Variants in ELAPOR1 observed in about 807,000 individuals in gnomAD.
The protein encoded by ELAPOR1 is endosome-lysosome associated apoptosis and autophagy regulator 1.
A neutral mutation model predicts 119.7 loss-of-function variants in ELAPOR1; 77 were observed. The observed-to-expected ratio is 0.64, with a 90% CI of 0.54 to 0.78. The LOEUF (loss-of-function observed/expected upper bound fraction) is 0.78. ELAPOR1 is among the 30% of genes least tolerant of loss of function. The pLI, the probability that ELAPOR1 is intolerant of heterozygous loss-of-function variation, is 0.00. For synonymous variants in ELAPOR1, 481 were observed against 487.2 expected, an observed-to-expected ratio of 0.99 and a Z score of 0.17; for missense variants, 1,115 against 1,270.4, an observed-to-expected ratio of 0.88 and a Z score of 1.86.
chr1:109,200,144 T>C lies in ELAPOR1; in HGVS notation c.2714T>C (p.Ile905Thr), dbSNP rs766329117. 1.4e-5 allele frequency: 23 copies of C among 1,614,194 alleles called. No individual in the cohort carries two copies. The highest frequency in any genetic ancestry group is 1.8e-5 in the Non-Finnish European group (21 of 1,180,036). The stretch of plus-strand genomic sequence containing the variant: ...CAGAGAGTCACCATCTGCAAAACCA[T>C]AGATTTCTGGCTGAAAGTGGGCATC... ...PEQRVTICKT[I>T]DFWLKVGISA... is the part of the protein sequence containing the mutation. The change falls in exon 20 of 22, where the codon ATA becomes ACA. Residue 905 changes from isoleucine (I) to threonine (T), a missense_variant. By Grantham distance (89) the Ile-to-Thr change is moderately conservative (BLOSUM62 -1). Coordinates refer to ENST00000369939, the MANE Select transcript of ELAPOR1 (RefSeq NM_020775.5).
chr1:109,124,946 A>G (rs1648676519), intron 1 of ELAPOR1, among the ~76,000 whole-genome samples: 1 of 151,634 alleles, frequency 6.6e-6, no homozygotes, highest in African/African-American at 2.4e-5. Context: ...TTTTTTTGAG[A>G]GAGACAGAAT....
rs1181440131 is a variant in ELAPOR1 at position 109,162,034 on chromosome 1, A to G, written c.274+20A>G. On this transcript the variant is annotated intron_variant, in intron 2 of 21. Coordinates refer to ENST00000369939, the MANE Select transcript of ELAPOR1 (RefSeq NM_020775.5). ...AGTGCTGTAAGCAGCTATCCTGCTC[A>G]GGGCCTCCCTGTCACTCAGCTTTGG... 1 of 1,596,062 alleles carries G rather than the reference A, an allele frequency of 6.3e-7. No homozygotes were observed. Among genetic ancestry groups the G allele is most frequent in the South Asian group, 1.1e-5 (1 of 90,660 alleles).
Position 109,176,068 on chromosome 1 carries a change from G to A in ELAPOR1, c.952+2231G>A, listed in dbSNP as rs189507855. ...CATTCTGGGAAATCTAGGTTTCCTT[G>A]TAACACAATTTGCAAACCACTGCTC... On this transcript the variant is annotated intron_variant, in intron 7 of 21. Transcript: ENST00000369939. Among the ~76,000 whole-genome samples, 17 of 152,190 alleles carry A rather than the reference G, an allele frequency of 1.1e-4. No homozygotes were observed. In the East Asian group the frequency reaches 1.5e-3, roughly 14 times the overall value.
rs187950703 is a variant in ELAPOR1 at position 109,154,265 on chromosome 1, G to A, written c.154-7629G>A. On this transcript the variant is annotated intron_variant, in intron 1 of 21. Coordinates refer to ENST00000369939, the MANE Select transcript of ELAPOR1 (RefSeq NM_020775.5). ...CACTGCACTCCAGCCTGGGCAACAA[G>A]AGCGAAACTCCGTCTCAAAAAAAAA... 1.5e-3 allele frequency among the ~76,000 whole-genome samples: 184 copies of A among 119,830 alleles called. 1 individual carries two copies. The East Asian group carries it at 0.042, about 27-fold the overall frequency. 78.6% of individuals were successfully genotyped at this position (119,830 alleles called of 152,430 possible).
rs372238669 is a variant in ELAPOR1, at chr1:109,168,525, T to C, written c.468-3341T>C. ...CCTTCAGGGATCCTCCCATGGGTCC[T>C]GGGTTGATGTCCCAGGGCTAAGGTA... On this transcript the variant is annotated intron_variant, in intron 3 of 21. Coordinates refer to ENST00000369939, the MANE Select transcript of ELAPOR1 (RefSeq NM_020775.5). Among the ~76,000 whole-genome samples the C allele has an allele frequency of 6.6e-5, 10 of 152,294 alleles. No individual in the cohort carries two copies. In the East Asian group the frequency reaches 1.5e-3, roughly 24 times the overall value.
intron 1 of ELAPOR1, among the ~76,000 whole-genome samples, chr1:109,149,706 G>A (rs1650412291): frequency 6.6e-6 from 1 of 152,186 alleles, no homozygotes; most frequent in South Asian, 2.1e-4. Context: ...CATTTGATCT[G>A]GAATGGGGAC....
At chr1:109,183,347 AAC>A (rs1558057615) in intron 7 of ELAPOR1, among the ~76,000 whole-genome samples, 22 of 15,386 alleles carry the variant, frequency 1.4e-3, no homozygotes, top group South Asian at 8.2e-3. Context: ...AAAAAAAAAA[AAC>A]AAAAAAAAGA....
chr1:109,173,540 G>A lies in ELAPOR1; in HGVS notation c.763G>A (p.Val255Ile). ...CACAGCCTTCTCAGTATGGACCAAA[G>A]TACCCAAGCCTGTGCTGGTGAGAAA... The part of the protein sequence containing the change: ...RTTAFSVWTK[V>I]PKPVLVRNIA... Residue 255 changes from valine to isoleucine, a missense_variant, in exon 6 of 22, where the codon GTA becomes ATA. By Grantham distance (29) the Val-to-Ile change is conservative. Coordinates refer to ENST00000369939, the MANE Select transcript of ELAPOR1 (RefSeq NM_020775.5). 6.2e-7 allele frequency: 1 copy of A among 1,614,184 alleles called. No homozygotes were observed. The highest frequency in any genetic ancestry group is 8.5e-7 in the Non-Finnish European group (1 of 1,180,042).
At chr1:109,120,018 T>C (rs1242656550) in intron 1 of ELAPOR1, among the ~76,000 whole-genome samples, 2 of 152,184 alleles carry the variant, frequency 1.3e-5, no homozygotes, top group Non-Finnish European at 2.9e-5. Flanking sequence ...AATTCATACA[T>C]TGATACCTAA....
chr1:109,123,254 G>C (rs765410963), intron 1 of ELAPOR1, among the ~76,000 whole-genome samples: 1 of 152,136 alleles, frequency 6.6e-6, no homozygotes, highest in Non-Finnish European at 1.5e-5. Context: ...CATACCACTA[G>C]GAAAAGCAGA....
At chr1:109,115,180 A>G (rs1647907529) in intron 1 of ELAPOR1, among the ~76,000 whole-genome samples, 1 of 152,188 alleles carries the variant, frequency 6.6e-6, no homozygotes, top group Admixed American at 6.5e-5. Flanking sequence ...CAACAAAACT[A>G]AGTCATTTCT....
At chr1:109,197,133 C>T (rs1339701483) in intron 15 of ELAPOR1, among the ~76,000 whole-genome samples, 1 of 127,568 alleles carries the variant, frequency 7.8e-6, no homozygotes, top group Admixed American at 8.4e-5. Flanking sequence ...GAGGCCCTAT[C>T]TTTACGAAAA....
intron 1 of ELAPOR1, among the ~76,000 whole-genome samples, chr1:109,152,839 G>A (rs543006754): frequency 2.0e-5 from 3 of 151,476 alleles, no homozygotes; most frequent in Admixed American, 1.3e-4. Flanking sequence ...CCAGCTATTC[G>A]GGAGGCTGAG....
At position 109,114,253 on chromosome 1, in the gene ELAPOR1, C is replaced by T; in HGVS notation, c.70C>T (p.Arg24Trp). The stretch of plus-strand genomic sequence containing the variant: ...GGGAAGAACTGAGAGGCGCATACCC[C>T]GGCTGTGGCGGCTGCTGCTCTGGGC... Reference protein sequence around the residue: ...VRGRTERRIPRLWRLLLWAGT... With the variant: ...VRGRTERRIPWLWRLLLWAGT... Residue 24 changes from arginine (R) to tryptophan (W), a missense_variant, in exon 1 of 22, where the codon CGG becomes TGG. Physicochemically the swap from Arg to Trp is moderately radical, Grantham distance 101. Coordinates refer to ENST00000369939, the MANE Select transcript of ELAPOR1 (RefSeq NM_020775.5). 3 of 1,598,182 alleles carry T rather than the reference C, an allele frequency of 1.9e-6. No homozygotes were observed. Among genetic ancestry groups the T allele is most frequent in the East Asian group, 2.3e-5 (1 of 44,282 alleles).
At chr1:109,136,588 C>A (rs1440069719) in intron 1 of ELAPOR1, among the ~76,000 whole-genome samples, 3 of 152,148 alleles carry the variant, frequency 2.0e-5, no homozygotes, top group African/African-American at 7.2e-5. Flanking sequence ...ACATCCCTCG[C>A]GAACAGGGCA....
intron 1 of ELAPOR1, among the ~76,000 whole-genome samples, chr1:109,150,014 C>T (rs1253859956): frequency 6.6e-6 from 1 of 152,236 alleles, no homozygotes; most frequent in African/African-American, 2.4e-5. Context: ...GCTGTTATTA[C>T]TGCCGCAGTC....
chr1:109,144,053 ATTTATATAT>A (rs1223961543), intron 1 of ELAPOR1, among the ~76,000 whole-genome samples: 1 of 89,788 alleles, frequency 1.1e-5, no homozygotes, highest in African/African-American at 5.3e-5. Context: ...ATATATATAT[ATTTATATAT>A]TTTTTTTTTT....
chr1:109,166,471 A>G (rs989563779), intron 3 of ELAPOR1, among the ~76,000 whole-genome samples: 1 of 152,208 alleles, frequency 6.6e-6, no homozygotes, highest in Non-Finnish European at 1.5e-5. Flanking sequence ...TGCTTGGAGA[A>G]CTGGATATCT....
rs758775007 is a variant in ELAPOR1 at position 109,198,054 on chromosome 1, C to T, written c.2378C>T (p.Pro793Leu). 70 of 1,613,428 alleles carry T rather than the reference C, an allele frequency of 4.3e-5. 1 individual carries two copies. Among genetic ancestry groups the T allele is most frequent in the East Asian group, 8.9e-5 (4 of 44,894 alleles). The change falls in exon 17 of 22, where the codon CCG becomes CTG. Residue 793 changes from proline to leucine, a missense_variant. Physicochemically the swap from Pro to Leu is moderately conservative, Grantham distance 98 (BLOSUM62 -3). Transcript: ENST00000369939. ...ELFHLESLGI[P>L]DVIFFYRSND... ...TTCCACCTGGAGTCCTTGGGAATAC[C>T]GGACGTGATCTTCTTTTATAGGTGA...
Sources: gnomAD v4.1 joint callset for allele counts (sites outside exome capture counted in the v4.1 genomes callset) on GRCh38, gnomAD v4.1.1 for gene constraint, MANE v1.5 for transcripts, NCBI Gene and HGNC (gene_info 2026-07-23, HGNC 2026-07-21) for gene names.